Variants in SULF1 observed in about 807,000 individuals in gnomAD.
SULF1 encodes sulfatase 1, also known as extracellular sulfatase Sulf-1.
SULF1 carries 46 observed loss-of-function variants against 110.5 expected under a neutral mutation model. The observed-to-expected ratio is 0.42, with a 90% CI of 0.33 to 0.53. The LOEUF is 0.53. Ranked by LOEUF, SULF1 falls within the 20% of genes least tolerant of loss-of-function variation. The pLI, the probability that SULF1 is intolerant of heterozygous loss-of-function variation, is 0.12. For missense variants in SULF1, 941 were observed against 1,094.2 expected, an observed-to-expected ratio of 0.86 and a Z score of 1.98; for synonymous variants, 371 against 387.1, an observed-to-expected ratio of 0.96 and a Z score of 0.49.
chr8:69,497,030 TG>T (rs1810410079), intron 2 of SULF1, among the ~76,000 whole-genome samples: 2 of 152,306 alleles, frequency 1.3e-5, no homozygotes, highest in South Asian at 4.1e-4. Context: ...GCAAGATTTG[TG>T]TGGTTCAGCA....
intron 8 of SULF1, among the ~76,000 whole-genome samples, chr8:69,598,730 T>C (rs938377749): frequency 2.6e-5 from 4 of 152,196 alleles, no homozygotes; most frequent in Non-Finnish European, 5.9e-5. Context: ...TAACCCCATT[T>C]ACAGATGAGC....
intron 6 of SULF1, among the ~76,000 whole-genome samples, chr8:69,578,798 A>G (rs191695523): frequency 6.6e-6 from 1 of 152,274 alleles, no homozygotes; most frequent in East Asian, 1.9e-4. Flanking sequence ...AATACAATTT[A>G]TAGTGAGTCA....
intron 17 of SULF1, 98 bp downstream of exon 17, chr8:69,627,964 T>C: frequency 1.0e-6 from 1 of 962,934 alleles, no homozygotes; most frequent in Non-Finnish European, 1.6e-6. Context: ...ACCTATAGAA[T>C]GTATTGTCAT....
intron 6 of SULF1, among the ~76,000 whole-genome samples, chr8:69,579,648 A>G (rs1451858623): frequency 2.0e-5 from 3 of 152,196 alleles, no homozygotes. Flanking sequence ...AAAACATTAC[A>G]GTATCTCAGA....
At chr8:69,653,897 A>G (rs1444101264) in intron 22 of SULF1, among the ~76,000 whole-genome samples, 1 of 152,212 alleles carries the variant, frequency 6.6e-6, no homozygotes, top group Admixed American at 6.5e-5. Flanking sequence ...TCCCCTGGCC[A>G]TGAACCCCGT....
intron 3 of SULF1, among the ~76,000 whole-genome samples, chr8:69,543,550 A>T (rs1009520729): frequency 6.6e-6 from 1 of 152,110 alleles, no homozygotes; most frequent in Non-Finnish European, 1.5e-5. Context: ...AAAGGACATG[A>T]TCTTGTTCTT....
At chr8:69,620,941 AAAAAAAG>A (rs1234860555) in intron 13 of SULF1, 87 bp from the exon 14 acceptor site, 147 of 1,111,526 alleles carry the variant, frequency 1.3e-4, no homozygotes, top group Non-Finnish European at 1.7e-4. Flanking sequence ...AGTGCTTCTA[AAAAAAAG>A]AAAAAAGAAA....
chr8:69,491,862 CAG>C (rs1190998504), upstream of SULF1, among the ~76,000 whole-genome samples: 2 of 151,854 alleles, frequency 1.3e-5, no homozygotes, highest in African/African-American at 4.8e-5. Context: ...GGAATGACAA[CAG>C]AGAAACAGAG....
intron 1 of SULF1, among the ~76,000 whole-genome samples, chr8:69,483,226 C>A (rs1025880287): frequency 6.6e-6 from 1 of 152,160 alleles, no homozygotes; most frequent in Non-Finnish European, 1.5e-5. Flanking sequence ...ATACGTTTTG[C>A]CAGTCAGTCA....
At chr8:69,501,989 T>G (rs901607660) in intron 3 of SULF1, 21 bp downstream of exon 3, 5 of 152,204 alleles carry the variant, frequency 3.3e-5, no homozygotes, top group African/African-American at 1.2e-4. Context: ...AATTTTTATC[T>G]CTAGCTTAAA....
At chr8:69,483,172 A>G (rs1429178099) in intron 1 of SULF1, among the ~76,000 whole-genome samples, 3 of 152,182 alleles carry the variant, frequency 2.0e-5, no homozygotes. Context: ...CAATTCTCCA[A>G]GGAGACCAAG....
chr8:69,508,024 A>G (rs1186595172), intron 3 of SULF1, among the ~76,000 whole-genome samples: 1 of 152,220 alleles, frequency 6.6e-6, no homozygotes, highest in Admixed American at 6.5e-5. Context: ...GGCAGACACT[A>G]AAGTAAACCT....
intron 13 of SULF1, among the ~76,000 whole-genome samples, chr8:69,611,327 T>A (rs938062700): frequency 2.6e-5 from 4 of 152,230 alleles, no homozygotes; most frequent in Non-Finnish European, 5.9e-5. Context: ...ATCATACATC[T>A]TCCAACATTC....
Position 69,583,270 on chromosome 8 carries a change from A to G in SULF1, c.413-3087A>G, listed in dbSNP as rs186921155. Among the ~76,000 whole-genome samples, 345 of 152,304 alleles carry G rather than the reference A, an allele frequency of 2.3e-3. 1 individual carries two copies. The highest frequency in any genetic ancestry group is 4.2e-3 in the Admixed American group (64 of 15,298). On this transcript the variant is annotated intron_variant, in intron 6 of 22. Coordinates refer to ENST00000402687, the MANE Select transcript of SULF1 (RefSeq NM_001128205.2). The stretch of plus-strand genomic sequence containing the variant: ...TTGAAGGCCAAATCAGCTTTAAAAA[A>G]TATGATGATTTGATTGGGCGCAGCG...
At chr8:69,543,748 A>G (rs761503882) in intron 3 of SULF1, among the ~76,000 whole-genome samples, 1 of 152,134 alleles carries the variant, frequency 6.6e-6, no homozygotes, top group Non-Finnish European at 1.5e-5. Flanking sequence ...TTATAGCCCA[A>G]TTGATTCTCT....
intron 19 of SULF1, among the ~76,000 whole-genome samples, chr8:69,634,870 C>T (rs965040935): frequency 6.6e-6 from 1 of 152,106 alleles, no homozygotes; most frequent in African/African-American, 2.4e-5. Flanking sequence ...TGCAATGGTG[C>T]GATCTTGGCT....
chr8:69,590,726 G>A (rs1011322870), intron 8 of SULF1, among the ~76,000 whole-genome samples: 1 of 152,218 alleles, frequency 6.6e-6, no homozygotes, highest in African/African-American at 2.4e-5. Flanking sequence ...TGGGAATATA[G>A]CTGGGATAAG....
intron 3 of SULF1, among the ~76,000 whole-genome samples, chr8:69,541,822 A>C (rs1281563924): frequency 6.6e-6 from 1 of 152,218 alleles, no homozygotes; most frequent in Non-Finnish European, 1.5e-5. Context: ...GGTTACTACA[A>C]AACTTAACTT....
intron 22 of SULF1, among the ~76,000 whole-genome samples, chr8:69,643,712 C>T (rs1811661303): frequency 6.6e-6 from 1 of 151,860 alleles, no homozygotes; most frequent in Non-Finnish European, 1.5e-5. Context: ...TTGCTGTTCC[C>T]TGTGTGTGAA....
Sources: gnomAD v4.1 joint callset for allele counts (sites outside exome capture counted in the v4.1 genomes callset) on GRCh38, gnomAD v4.1.1 for gene constraint, MANE v1.5 for transcripts, NCBI Gene and HGNC (gene_info 2026-07-23, HGNC 2026-07-21) for gene names.